The following PPP1R12A variants were observed in gnomAD, a reference collection of about 807,000 sequenced individuals.
PPP1R12A encodes myosin binding subunit.
In PPP1R12A, 19 loss-of-function variants were observed where a neutral mutation model predicts 139.6. The observed-to-expected ratio is 0.14, with a 90% CI of 0.09 to 0.20. The LOEUF is 0.20. Ranked by LOEUF, PPP1R12A falls within the 10% of genes least tolerant of loss-of-function variation. The pLI, the probability that PPP1R12A is intolerant of heterozygous loss-of-function variation, is 1.00. For synonymous variants in PPP1R12A, 427 were observed against 420.6 expected, an observed-to-expected ratio of 1.02 and a Z score of -0.19; for missense variants, 925 against 1,211.5, an observed-to-expected ratio of 0.76 and a Z score of 3.51.
At chr12:79,891,663 T>G (rs896021984) in intron 1 of PPP1R12A, among the ~76,000 whole-genome samples, 1 of 152,192 alleles carries the variant, frequency 6.6e-6, no homozygotes, top group Non-Finnish European at 1.5e-5. Context: ...TCTTACAAAC[T>G]TAATGAGACA....
At chr12:79,848,087 A>G (rs1879618190) in intron 2 of PPP1R12A, among the ~76,000 whole-genome samples, 1 of 152,180 alleles carries the variant, frequency 6.6e-6, no homozygotes, top group Admixed American at 6.5e-5. Flanking sequence ...AAAAATGGCT[A>G]CTGTATCATT....
chr12:79,925,031 A>C (rs1271621536), intron 1 of PPP1R12A, among the ~76,000 whole-genome samples: 1 of 152,096 alleles, frequency 6.6e-6, no homozygotes, highest in Non-Finnish European at 1.5e-5. Context: ...GAATGATATC[A>C]TTTTCAAAAT....
At chr12:79,917,447 T>C (rs1166791086) in intron 1 of PPP1R12A, among the ~76,000 whole-genome samples, 1 of 135,002 alleles carries the variant, frequency 7.4e-6, no homozygotes, top group East Asian at 2.2e-4. Flanking sequence ...ATCGTGCCAC[T>C]GCACTCCAGC....
intron 3 of PPP1R12A, among the ~76,000 whole-genome samples, chr12:79,835,265 T>C (rs192390657): frequency 1.0e-3 from 152 of 152,286 alleles, no homozygotes; most frequent in African/African-American, 3.2e-3. Context: ...CAGTGTCAGT[T>C]TCCCAGCTTC....
At chr12:79,908,309 T>C (rs1392827903) in intron 1 of PPP1R12A, among the ~76,000 whole-genome samples, 1 of 152,254 alleles carries the variant, frequency 6.6e-6, no homozygotes, top group African/African-American at 2.4e-5. Context: ...AGTGGAAGCA[T>C]CTATGATAAC....
chr12:79,781,766 C>T (rs1252653224), intron 23 of PPP1R12A, 49 bp downstream of exon 23: 12 of 1,174,216 alleles, frequency 1.0e-5, no homozygotes, highest in Non-Finnish European at 1.3e-5. Flanking sequence ...CCATTGTTTA[C>T]CTAAAACAAG....
chr12:79,793,607 T>G (rs1328731335), intron 19 of PPP1R12A, among the ~76,000 whole-genome samples: 1 of 152,150 alleles, frequency 6.6e-6, no homozygotes, highest in Non-Finnish European at 1.5e-5. Context: ...TTGGTGAGTT[T>G]TGGCAGTTCT....
At chr12:79,916,903 CT>C (rs919540746) in intron 1 of PPP1R12A, among the ~76,000 whole-genome samples, 21 of 146,280 alleles carry the variant, frequency 1.4e-4, no homozygotes, top group Admixed American at 3.4e-4. Flanking sequence ...TGAGATTTTT[CT>C]TTTTTTTTTT....
chr12:79,881,499 C>T (rs1377929458), intron 1 of PPP1R12A, among the ~76,000 whole-genome samples: 1 of 152,094 alleles, frequency 6.6e-6, no homozygotes, highest in Non-Finnish European at 1.5e-5. Context: ...CTATGAAGCC[C>T]AAGAGAGGTG....
intron 19 of PPP1R12A, 123 bp downstream of exon 19, chr12:79,793,740 T>C (rs987407151): frequency 7.4e-6 from 5 of 673,312 alleles, no homozygotes; most frequent in South Asian, 4.0e-5. Flanking sequence ...TGATATTGCA[T>C]ACCCAGCATG....
intron 22 of PPP1R12A, among the ~76,000 whole-genome samples, chr12:79,783,170 A>G (rs758147287): frequency 1.3e-5 from 2 of 152,040 alleles, no homozygotes; most frequent in African/African-American, 2.4e-5. Context: ...AGAATTTCAA[A>G]TATGAGGCTG....
chr12:79,905,824 G>A (rs1886062549), intron 1 of PPP1R12A, among the ~76,000 whole-genome samples: 1 of 152,122 alleles, frequency 6.6e-6, no homozygotes, highest in Non-Finnish European at 1.5e-5. Context: ...ATTAAATGTG[G>A]AAAACTGTCC....
intron 1 of PPP1R12A, among the ~76,000 whole-genome samples, chr12:79,893,758 T>C (rs1430710440): frequency 2.0e-5 from 3 of 152,186 alleles, no homozygotes; most frequent in Non-Finnish European, 4.4e-5. Flanking sequence ...TAATTGATAC[T>C]AAAAATTTTC....
intron 1 of PPP1R12A, among the ~76,000 whole-genome samples, chr12:79,905,320 T>G (rs1014527664): frequency 2.7e-5 from 4 of 148,920 alleles, no homozygotes; most frequent in Non-Finnish European, 6.0e-5. Context: ...TATCCTATTC[T>G]AGAATGTTTT....
intron 14 of PPP1R12A, among the ~76,000 whole-genome samples, chr12:79,803,181 A>T (rs904428071): frequency 6.6e-6 from 1 of 152,244 alleles, no homozygotes; most frequent in African/African-American, 2.4e-5. Flanking sequence ...ATAGCTTATC[A>T]ATTTGTAATA....
At chr12:79,896,314 A>G (rs1252408494) in intron 1 of PPP1R12A, among the ~76,000 whole-genome samples, 1 of 152,134 alleles carries the variant, frequency 6.6e-6, no homozygotes, top group Non-Finnish European at 1.5e-5. Context: ...TTCAGTGCAT[A>G]TCTAAACCAA....
At chr12:79,873,046 CTCTGTAAATAAA>C in intron 1 of PPP1R12A, 108 bp from the exon 2 acceptor site, 1 of 1,181,946 alleles carries the variant, frequency 8.5e-7, no homozygotes, top group Non-Finnish European at 1.2e-6. Context: ...TATAAATATT[CTCTGTAAATAAA>C]TCTGCTGCTA....
At chr12:79,925,734 C>T (rs1045572188) in intron 1 of PPP1R12A, among the ~76,000 whole-genome samples, 21 of 152,020 alleles carry the variant, frequency 1.4e-4, no homozygotes, top group African/African-American at 4.8e-4. Context: ...AGAACTCAAG[C>T]GTGTCTTTTT....
rs752612405 is a variant in PPP1R12A at position 79,805,758 on chromosome 12, G to A, written c.1834C>T (p.Arg612Cys). Reference sequence around the variant, plus strand: ...TCAGTACTATCCTCAGCCCACAAACGATTTGAGGTACTATAGCATCATAAG... The same window carrying A: ...TCAGTACTATCCTCAGCCCACAAACAATTTGAGGTACTATAGCATCATAAG... The part of the protein sequence containing the change: ...SAGTQSSTSN[R>C]LWAEDSTEKE... Residue 612 changes from arginine to cysteine, a missense_variant, in exon 14 of 25, where the codon CGT (arginine) becomes TGT (cysteine). This residue lies in a region of PPP1R12A where 403 missense variants were observed against 463.7 expected (regional missense o/e 0.87). Transcript: ENST00000450142. The A allele has an allele frequency of 1.6e-5, 25 of 1,611,528 alleles. 1 individual carries two copies. The South Asian group carries it at 2.0e-4, about 13-fold the overall frequency.
Sources: allele counts gnomAD v4.1 joint callset (sites outside exome capture counted in the v4.1 genomes callset), GRCh38; gene constraint gnomAD v4.1.1; regional missense constraint gnomAD v4.1.1; transcripts MANE v1.5; gene names NCBI Gene and HGNC (gene_info 2026-07-23, HGNC 2026-07-21).